The following OTUD4 variants were observed in gnomAD, a reference collection of about 807,000 sequenced individuals.
The protein encoded by OTUD4 is OTU deubiquitinase 4.
OTUD4 carries 24 observed loss-of-function variants against 130.4 expected under a neutral mutation model. That is an observed-to-expected ratio of 0.18 (90% CI 0.13 to 0.26). OTUD4 has a LOEUF of 0.26. Among genes scored for constraint, OTUD4 ranks in the 10% least tolerant of loss-of-function variants. The pLI is 1.00. For missense variants in OTUD4, 1,031 were observed against 1,329.4 expected, an observed-to-expected ratio of 0.78 and a Z score of 3.49; for synonymous variants, 420 against 472.5, an observed-to-expected ratio of 0.89 and a Z score of 1.44.
Position 145,135,116 on chromosome 4 carries a change from A to C in OTUD4, c.*2314T>G, listed in dbSNP as rs1165934647. The C allele has an allele frequency of 5.8e-6, 2 of 343,658 alleles. No homozygotes were observed. Among genetic ancestry groups the C allele is most frequent in the East Asian group, 8.6e-5 (2 of 23,178 alleles). The allele number at this position is 343,658 out of a possible 1,614,324, so 21.3% of individuals were successfully genotyped here. A position where few individuals can be genotyped will look rare whatever the true frequency, so the allele number is the denominator to read the frequency against. ...AAAAAGCGAAACCAACCTTCATGCAAAGATTAATTTTAAAACTATCAAAAG... is the reference window on the plus strand; with the variant it reads ...AAAAAGCGAAACCAACCTTCATGCACAGATTAATTTTAAAACTATCAAAAG... On this transcript the variant is annotated 3_prime_UTR_variant, in exon 21 of 21. Transcript: ENST00000447906.
chr4:145,155,376 G>T, intron 10 of OTUD4, 35 bp downstream of exon 10: 1 of 1,565,658 alleles, frequency 6.4e-7, no homozygotes, highest in Non-Finnish European at 8.7e-7. Context: ...AAAGTTTCAA[G>T]TAAAATCTCT....
chr4:145,159,480 G>T lies in OTUD4; in HGVS notation c.629+23C>A, dbSNP rs756497396. ...CTTTCCTTGTATGGCACTAAGAAAGGTATTTTAGGATTTCATTCTTACTTG... is the reference window on the plus strand; with the variant it reads ...CTTTCCTTGTATGGCACTAAGAAAGTTATTTTAGGATTTCATTCTTACTTG... On this transcript the variant is annotated intron_variant, in intron 7 of 20. Coordinates refer to ENST00000447906, the MANE Select transcript of OTUD4 (RefSeq NM_001366057.1). 21 of 1,612,216 alleles carry T rather than the reference G, an allele frequency of 1.3e-5. No homozygotes were observed. The East Asian group carries it at 4.5e-4, about 34-fold the overall frequency.
intron 10 of OTUD4, among the ~76,000 whole-genome samples, 193 bp downstream of exon 10, chr4:145,155,218 T>A (rs900477744): frequency 3.3e-5 from 5 of 152,254 alleles, no homozygotes; most frequent in African/African-American, 1.2e-4. Context: ...TTTAGATACA[T>A]ACAATTTTAG....
chr4:145,137,400 TTC>T lies in OTUD4; in HGVS notation c.*28_*29del, dbSNP rs776942546. On this transcript the variant is annotated 3_prime_UTR_variant, in exon 21 of 21. Transcript: ENST00000447906. ...CTTCAGAAACATTCCACCTAAGAGT[TTC>T]TGTTAGAAAATACTTCGGCAACAAC... The T allele has an allele frequency of 6.4e-6, 10 of 1,555,240 alleles. No individual in the cohort carries two copies. Among genetic ancestry groups the T allele is most frequent in the East Asian group, 2.3e-5 (1 of 44,280 alleles).
intron 3 of OTUD4, among the ~76,000 whole-genome samples, chr4:145,168,413 TAAAAAA>T (rs11432018): frequency 5.1e-4 from 63 of 122,864 alleles, no homozygotes; most frequent in African/African-American, 1.8e-3. Flanking sequence ...AATAAAAAAT[TAAAAAA>T]AAAAAAAAAG....
Position 145,162,625 on chromosome 4 carries a change from C to T in OTUD4, c.496+15G>A, listed in dbSNP as rs895319449. The T allele has an allele frequency of 8.8e-6, 11 of 1,243,936 alleles. No individual in the cohort carries two copies. Among genetic ancestry groups the T allele is most frequent in the African/African-American group, 1.5e-5 (1 of 64,792 alleles). The allele number at this position is 1,243,936 out of a possible 1,614,324, so 77.1% of individuals were successfully genotyped here. On this transcript the variant is annotated intron_variant, in intron 6 of 20. Coordinates refer to ENST00000447906, the MANE Select transcript of OTUD4 (RefSeq NM_001366057.1). ...AGGAATATAATTTCCCATATAAACACAAGGTGATACTTACACTGACACATA... is the reference window on the plus strand; with the variant it reads ...AGGAATATAATTTCCCATATAAACATAAGGTGATACTTACACTGACACATA...
intron 14 of OTUD4, 75 bp from the exon 15 acceptor site, chr4:145,144,509 T>C: frequency 7.2e-7 from 1 of 1,381,838 alleles, no homozygotes; most frequent in Non-Finnish European, 1.0e-6. Flanking sequence ...CTGTAATTAA[T>C]CTCACTCTTC....
At chr4:145,166,421 G>A (rs1391841958) in intron 3 of OTUD4, among the ~76,000 whole-genome samples, 4 of 151,458 alleles carry the variant, frequency 2.6e-5, no homozygotes, top group South Asian at 2.1e-4. Context: ...ACTTCTATAC[G>A]TCTATCATAA....
chr4:145,178,803 A>T (rs1257023110), intron 1 of OTUD4, among the ~76,000 whole-genome samples: 1 of 152,214 alleles, frequency 6.6e-6, no homozygotes, highest in East Asian at 1.9e-4. Flanking sequence ...TAGAAATTTT[A>T]AAAGTTATTT....
rs1451071210 is a variant in OTUD4 at position 145,143,470 on chromosome 4, G to A, written c.1603-25C>T. On this transcript the variant is annotated intron_variant, in intron 16 of 20. Coordinates refer to ENST00000447906, the MANE Select transcript of OTUD4 (RefSeq NM_001366057.1). The stretch of plus-strand genomic sequence containing the variant: ...TCTTTGGAAGCAAAAAAGAAGCAAA[G>A]TTTTGTATTTCAGAGACCCACATTC... The A allele has an allele frequency of 2.8e-6, 4 of 1,445,152 alleles. No homozygotes were observed. The African/African-American group carries it at 5.6e-5, about 20-fold the overall frequency. The allele number at this position is 1,445,152 out of a possible 1,614,324, so 89.5% of individuals were successfully genotyped here.
rs1439400421 is a variant in OTUD4 at position 145,133,938 on chromosome 4, T to C, written c.*3492A>G. The C allele has an allele frequency of 6.6e-6, 1 of 152,670 alleles. No homozygotes were observed. The highest frequency in any genetic ancestry group is 1.5e-5 in the Non-Finnish European group (1 of 68,050). 9.5% of individuals were successfully genotyped at this position (152,670 alleles called of 1,614,324 possible). A position where few individuals can be genotyped will look rare whatever the true frequency, so the allele number is the denominator to read the frequency against. On this transcript the variant is annotated 3_prime_UTR_variant, in exon 21 of 21. Transcript: ENST00000447906. ...CACATCTTCACATGCTCTTAAAGTA[T>C]TATTTGTACTCAGTGTAAGGCTATT...
Position 145,136,523 on chromosome 4 carries a change from A to AT in OTUD4, c.*906dup, listed in dbSNP as rs1381821863. 8.2e-6 allele frequency: 1 copy of AT among 122,042 alleles called. No individual in the cohort carries two copies. The highest frequency in any genetic ancestry group is 2.7e-4 in the East Asian group (1 of 3,652). 7.6% of individuals were successfully genotyped at this position (122,042 alleles called of 1,614,324 possible). A position where few individuals can be genotyped will look rare whatever the true frequency, so the allele number is the denominator to read the frequency against. On this transcript the variant is annotated 3_prime_UTR_variant, in exon 21 of 21. Transcript: ENST00000447906. ...ACCTGTCAAGCTAAAAATTTTTAAC[A>AT]TTTCTTCTCACAAAATATTTAGAAT...
At chr4:145,173,625 A>T (rs1752284602) in intron 2 of OTUD4, among the ~76,000 whole-genome samples, 1 of 152,130 alleles carries the variant, frequency 6.6e-6, no homozygotes, top group Admixed American at 6.5e-5. Flanking sequence ...AGGTTTTTTT[A>T]ATAAAACAAG....
intron 1 of OTUD4, among the ~76,000 whole-genome samples, chr4:145,176,632 G>C (rs1752441241): frequency 6.6e-6 from 1 of 152,148 alleles, no homozygotes; most frequent in African/African-American, 2.4e-5. Flanking sequence ...CCAGGAGGCA[G>C]AGGTTGCAGT....
chr4:145,160,467 T>C (rs1579271680), intron 6 of OTUD4, among the ~76,000 whole-genome samples: 1 of 152,212 alleles, frequency 6.6e-6, no homozygotes, highest in South Asian at 2.1e-4. Context: ...ATTTTAGGAC[T>C]CTGATTTGGT....
chr4:145,149,356 A>G (rs1750964204), intron 13 of OTUD4, among the ~76,000 whole-genome samples: 1 of 152,224 alleles, frequency 6.6e-6, no homozygotes, highest in South Asian at 2.1e-4. Flanking sequence ...ACTTGATTTC[A>G]GACTTCTAGC....
At chr4:145,142,078 GC>G in intron 18 of OTUD4, 117 bp downstream of exon 18, 1 of 814,038 alleles carries the variant, frequency 1.2e-6, no homozygotes, top group Non-Finnish European at 2.0e-6. Flanking sequence ...ATCACAGAAA[GC>G]TCTGTGAGGC....
chr4:145,134,502 T>C lies in OTUD4; in HGVS notation c.*2928A>G, dbSNP rs1353101720. 2.5e-5 allele frequency: 10 copies of C among 392,216 alleles called. No individual in the cohort carries two copies. Among genetic ancestry groups the C allele is most frequent in the Non-Finnish European group, 4.5e-5 (10 of 222,240 alleles). 24.3% of individuals were successfully genotyped at this position (392,216 alleles called of 1,614,324 possible). On this transcript the variant is annotated 3_prime_UTR_variant, in exon 21 of 21. Coordinates refer to ENST00000447906, the MANE Select transcript of OTUD4 (RefSeq NM_001366057.1). ...GCACCAAGTCAATCATAAGCAAGTT[T>C]GCAGTTCACAGGCATTTTAATTCAA... is the stretch of plus-strand genomic sequence containing the variant.
At chr4:145,161,998 G>A (rs1349016851) in intron 6 of OTUD4, among the ~76,000 whole-genome samples, 1 of 152,066 alleles carries the variant, frequency 6.6e-6, no homozygotes, top group Non-Finnish European at 1.5e-5. Context: ...TTTGAAACAA[G>A]GTCTCACTCT....
Sources: allele counts gnomAD v4.1 joint callset (sites outside exome capture counted in the v4.1 genomes callset), GRCh38; gene constraint gnomAD v4.1.1; transcripts MANE v1.5; gene names NCBI Gene and HGNC (gene_info 2026-07-23, HGNC 2026-07-21).